Variants in ASB3 observed in about 807,000 individuals in gnomAD.
ASB3 encodes the protein ankyrin repeat and SOCS box containing 3.
ASB3 carries 41 observed loss-of-function variants against 54.5 expected under a neutral mutation model. That is an observed-to-expected ratio of 0.75 (90% CI 0.59 to 0.98). The LOEUF is 0.98. ASB3 is among the 50% of genes least tolerant of loss of function. The pLI is 0.00. For missense variants in ASB3, 733 were observed against 620.0 expected (o/e 1.18, Z -1.94); for synonymous variants, 266 against 221.2 (o/e 1.20, Z -1.80).
At chr2:53,713,435 T>C (rs1260074898) in intron 7 of ASB3, among the ~76,000 whole-genome samples, 2 of 152,242 alleles carry the variant, frequency 1.3e-5, no homozygotes, top group Non-Finnish European at 1.5e-5. Context: ...AATATGGCTG[T>C]TCTTACACAC....
chr2:53,756,458 G>A (rs879314415), intron 2 of ASB3, among the ~76,000 whole-genome samples: 2 of 152,122 alleles, frequency 1.3e-5, no homozygotes, highest in Admixed American at 6.5e-5. Context: ...AATTTTACAT[G>A]TCAACTTGAC....
chr2:53,762,960 T>A (rs944651871), intron 2 of ASB3, among the ~76,000 whole-genome samples: 1 of 152,200 alleles, frequency 6.6e-6, no homozygotes, highest in Non-Finnish European at 1.5e-5. Flanking sequence ...ACTCTTCTAA[T>A]CATTTTAGAT....
At chr2:53,706,173 G>T (rs1669757329) in intron 7 of ASB3, among the ~76,000 whole-genome samples, 1 of 152,110 alleles carries the variant, frequency 6.6e-6, no homozygotes, top group South Asian at 2.1e-4. Flanking sequence ...AATACCCAAA[G>T]TCACACAGCC....
At chr2:53,711,150 A>C (rs1670072543) in intron 7 of ASB3, among the ~76,000 whole-genome samples, 1 of 152,132 alleles carries the variant, frequency 6.6e-6, no homozygotes, top group African/African-American at 2.4e-5. Flanking sequence ...CAAAATAAAA[A>C]ACAATTTGGG....
chr2:53,714,532 G>T lies in ASB3; in HGVS notation c.832C>A (p.Leu278Ile). 2 of 1,614,176 alleles carry T rather than the reference G, an allele frequency of 1.2e-6. No individual in the cohort carries two copies. The highest frequency in any genetic ancestry group is 1.7e-6 in the Non-Finnish European group (2 of 1,180,014). The part of the protein sequence containing the change: ...PLTNRACDTG[L>I]NKVSPVYSAV... ...GAGTAAACAGGGCTTACTTTGTTTAGCCCAGTGTCACAGGCCCGGTTAGTA... is the reference window on the plus strand; with the variant it reads ...GAGTAAACAGGGCTTACTTTGTTTATCCCAGTGTCACAGGCCCGGTTAGTA... Residue 278 changes from leucine to isoleucine, a missense_variant, in exon 7 of 10, where the codon CTA becomes ATA. Coordinates refer to ENST00000263634, the MANE Select transcript of ASB3 (RefSeq NM_016115.5).
chr2:53,717,665 G>A (rs1233405395), intron 5 of ASB3, among the ~76,000 whole-genome samples: 1 of 152,166 alleles, frequency 6.6e-6, no homozygotes, highest in Non-Finnish European at 1.5e-5. Flanking sequence ...AAGGATCACA[G>A]TCGTGTTCCC....
At chr2:53,774,471 G>A in intron 1 of ASB3, 1 of 1,587,310 alleles carries the variant, frequency 6.3e-7, no homozygotes, top group African/African-American at 1.4e-5. Flanking sequence ...TTTTCGCTTT[G>A]GAAAAATTAG....
At position 53,670,658 on chromosome 2, in the gene ASB3, A is replaced by T. The variant is rs1463286918; in HGVS notation, c.1402T>A (p.Leu468Met). 1.2e-6 allele frequency: 2 copies of T among 1,614,028 alleles called. No homozygotes were observed. The highest frequency in any genetic ancestry group is 4.5e-5 in the East Asian group (2 of 44,854). Residue 468 changes from leucine to methionine, a missense_variant, in exon 10 of 10, where the codon TTG (leucine) becomes ATG (methionine). Coordinates refer to ENST00000263634, the MANE Select transcript of ASB3 (RefSeq NM_016115.5). ...TVPSLTHLCR[L>M]EIRSSLKSER... ...GATTTTAGACTGGACCGAATTTCCA[A>T]ACGACAAAGATGGGTCAGGGATGGA... is the stretch of plus-strand genomic sequence containing the variant.
At chr2:53,783,951 A>C (rs1262116311) in intron 1 of ASB3, among the ~76,000 whole-genome samples, 1 of 152,250 alleles carries the variant, frequency 6.6e-6, no homozygotes, top group Non-Finnish European at 1.5e-5. Context: ...AAATCTCAGT[A>C]AACAGGTATG....
intron 1 of ASB3, among the ~76,000 whole-genome samples, chr2:53,784,789 C>T (rs1466405817): frequency 6.6e-6 from 1 of 152,172 alleles, no homozygotes; most frequent in Non-Finnish European, 1.5e-5. Context: ...ATTATATTTG[C>T]AAAGACCCTA....
At chr2:53,715,949 T>C (rs903362745) in intron 6 of ASB3, among the ~76,000 whole-genome samples, 2 of 152,202 alleles carry the variant, frequency 1.3e-5, no homozygotes, top group African/African-American at 2.4e-5. Context: ...CTAAAAATTA[T>C]TGACTGCCAA....
At chr2:53,681,677 G>A (rs755181989) in intron 9 of ASB3, among the ~76,000 whole-genome samples, 3 of 152,112 alleles carry the variant, frequency 2.0e-5, no homozygotes, top group South Asian at 2.1e-4. Context: ...GTAGGTTTCT[G>A]TATTTGTTTC....
In ASB3 at chr2:53,784,175, T is replaced by C. The variant is rs188162251; in HGVS notation, c.-14+2646A>G. On this transcript the variant is annotated intron_variant, in intron 1 of 9. Transcript: ENST00000263634. ...GAATGATGATTGTATAATTACAATA[T>C]GGTAAATAGTTGATAAGTTTTCAAT... Among the ~76,000 whole-genome samples, 298 of 152,330 alleles carry C rather than the reference T, an allele frequency of 2.0e-3. 2 individuals are homozygous for C. The highest frequency in any genetic ancestry group is 6.9e-3 in the African/African-American group (285 of 41,568).
At chr2:53,717,679 A>G (rs938022222) in intron 5 of ASB3, among the ~76,000 whole-genome samples, 2 of 152,162 alleles carry the variant, frequency 1.3e-5, no homozygotes, top group African/African-American at 4.8e-5. Flanking sequence ...TGTTCCCGCA[A>G]TGGTTCCTGA....
rs1672476928 is a variant in ASB3 at position 53,750,892 on chromosome 2, A to C, written c.246T>G (p.Ala82=). ...IKMKTFEGFC[A]LHLAASQGHW... ...GTCCTTGACTTGCAGCGAGATGCAA[A>C]GCACAGAAACCTTCAAAGGTCTTCA... is the stretch of plus-strand genomic sequence containing the variant. Residue 82 remains alanine, a synonymous_variant, in exon 3 of 10, where the codon GCT becomes GCG. Coordinates refer to ENST00000263634, the MANE Select transcript of ASB3 (RefSeq NM_016115.5). 1.2e-6 allele frequency: 2 copies of C among 1,602,760 alleles called. No individual in the cohort carries two copies. Among genetic ancestry groups the C allele is most frequent in the African/African-American group, 2.7e-5 (2 of 74,694 alleles).
Position 53,765,540 on chromosome 2 carries a change from G to C in ASB3, c.33C>G (p.Cys11Trp). 1 of 1,614,198 alleles carries C rather than the reference G, an allele frequency of 6.2e-7. No homozygotes were observed. Among genetic ancestry groups the C allele is most frequent in the Non-Finnish European group, 8.5e-7 (1 of 1,180,034 alleles). Residue 11 changes from cysteine (C) to tryptophan (W), a missense_variant, in exon 2 of 10, where the codon TGC becomes TGG. Physicochemically the swap from Cys to Trp is radical, Grantham distance 215. Coordinates refer to ENST00000263634, the MANE Select transcript of ASB3 (RefSeq NM_016115.5). ...CCCTGGCAGCAAGTCCAACTGTAGA[G>C]CACGTGTCCGCGTAAGCCTCTGTAA... MDFTEAYADTCSTVGLAAREG... is the reference protein window; with the variant it reads MDFTEAYADTWSTVGLAAREG...
At chr2:53,685,715 T>C (rs1668596764) in intron 9 of ASB3, among the ~76,000 whole-genome samples, 1 of 152,214 alleles carries the variant, frequency 6.6e-6, no homozygotes, top group African/African-American at 2.4e-5. Context: ...CCAGATGAAT[T>C]CTGCACCAAC....
chr2:53,728,957 T>C, intron 4 of ASB3, 110 bp from the exon 5 acceptor site: 1 of 1,299,452 alleles, frequency 7.7e-7, no homozygotes, highest in Non-Finnish European at 1.0e-6. Context: ...AAAGGATAAC[T>C]TGAAGGAAAA....
chr2:53,721,133 T>TAAAC (rs1162674950), intron 5 of ASB3, among the ~76,000 whole-genome samples: 1 of 146,450 alleles, frequency 6.8e-6, no homozygotes, highest in Non-Finnish European at 1.5e-5. Context: ...TATAAATAAA[T>TAAAC]AAATAAATAA....
Sources: gnomAD v4.1 joint callset for allele counts (sites outside exome capture counted in the v4.1 genomes callset) on GRCh38, gnomAD v4.1.1 for gene constraint, MANE v1.5 for transcripts, NCBI Gene and HGNC (gene_info 2026-07-23, HGNC 2026-07-21) for gene names.